Variants in HDAC9 observed in about 807,000 individuals in gnomAD.
The protein encoded by HDAC9 is histone deacetylase 9, also known as MEF-2 interacting transcription repressor (MITR) protein.
HDAC9 carries 41 observed loss-of-function variants against 139.4 expected under a neutral mutation model. That is an observed-to-expected ratio of 0.29 (90% CI 0.23 to 0.38). HDAC9 has a LOEUF of 0.38. Ranked by LOEUF, HDAC9 falls within the 10% of genes least tolerant of loss-of-function variation. The probability of loss-of-function intolerance (pLI) is 1.00; values close to 1 mark genes in which losing one functional copy is unlikely to be tolerated. For synonymous variants in HDAC9, 517 were observed against 476.2 expected, an observed-to-expected ratio of 1.09 and a Z score of -1.12; for missense variants, 1,147 against 1,297.0, an observed-to-expected ratio of 0.88 and a Z score of 1.78.
At chr7:18,933,403 A>T (rs1251282601) in intron 22 of HDAC9, among the ~76,000 whole-genome samples, 1 of 152,064 alleles carries the variant, frequency 6.6e-6, no homozygotes, top group African/African-American at 2.4e-5. Context: ...GCAACAAGAG[A>T]GCTAGAGGAC....
intron 1 of HDAC9, among the ~76,000 whole-genome samples, chr7:18,111,066 C>T (rs1023933623): frequency 1.3e-5 from 2 of 152,158 alleles, no homozygotes; most frequent in Admixed American, 6.5e-5. Context: ...AGTAAGTACT[C>T]TGTGCCAAAC....
At chr7:18,448,649 G>T (rs762750413) in intron 1 of HDAC9, among the ~76,000 whole-genome samples, 39 of 151,798 alleles carry the variant, frequency 2.6e-4, no homozygotes, top group Non-Finnish European at 4.4e-4. Context: ...TTCCTTTTTG[G>T]TCAATTTCCT....
chr7:18,931,346 G>T (rs573920110), intron 22 of HDAC9, among the ~76,000 whole-genome samples: 1 of 152,180 alleles, frequency 6.6e-6, no homozygotes, highest in South Asian at 2.1e-4. Context: ...TAAGTGGCCT[G>T]GGTAAAAGAT....
intron 1 of HDAC9, among the ~76,000 whole-genome samples, chr7:18,488,123 T>G (rs1487825179): frequency 6.6e-6 from 1 of 152,052 alleles, no homozygotes; most frequent in Non-Finnish European, 1.5e-5. Flanking sequence ...TTTTTTTATT[T>G]TCATAGTCCT....
At chr7:18,723,564 T>G (rs1288042573) in intron 12 of HDAC9, among the ~76,000 whole-genome samples, 2 of 152,318 alleles carry the variant, frequency 1.3e-5, no homozygotes, top group African/African-American at 4.8e-5. Flanking sequence ...CCATATTCCT[T>G]CTGGTAGACA....
chr7:18,160,211 G>C (rs1787529738), intron 1 of HDAC9, among the ~76,000 whole-genome samples: 1 of 152,194 alleles, frequency 6.6e-6, no homozygotes, highest in African/African-American at 2.4e-5. Flanking sequence ...TTACCTTTCA[G>C]AGCTGCTTCA....
intron 23 of HDAC9, among the ~76,000 whole-genome samples, chr7:18,949,946 C>G (rs112807973): frequency 1.5e-3 from 224 of 151,952 alleles, no homozygotes; most frequent in African/African-American, 4.7e-3. Flanking sequence ...AAGCATTAAA[C>G]AAACCAAATA....
intron 1 of HDAC9, among the ~76,000 whole-genome samples, chr7:18,148,389 T>A (rs1786505891): frequency 6.6e-6 from 1 of 152,188 alleles, no homozygotes. Flanking sequence ...CACTGCTGCA[T>A]CGACTATTAT....
At chr7:18,794,489 C>CG in intron 17 of HDAC9, among the ~76,000 whole-genome samples, 1 of 152,228 alleles carries the variant, frequency 6.6e-6, no homozygotes, top group East Asian at 1.9e-4. Flanking sequence ...TCAGAGCCTA[C>CG]GGAAATATAA....
chr7:18,169,918 A>G (rs1788293894), intron 2 of HDAC9, among the ~76,000 whole-genome samples: 1 of 152,208 alleles, frequency 6.6e-6, no homozygotes, highest in Non-Finnish European at 1.5e-5. Flanking sequence ...CGCAATAAAC[A>G]TACATGTGCA....
chr7:18,919,145 C>T (rs1803465958), intron 22 of HDAC9, among the ~76,000 whole-genome samples: 1 of 152,008 alleles, frequency 6.6e-6, no homozygotes, highest in Non-Finnish European at 1.5e-5. Flanking sequence ...TTATAATTGT[C>T]AGAAACACAA....
intron 13 of HDAC9, among the ~76,000 whole-genome samples, chr7:18,733,622 G>A (rs1786603621): frequency 6.6e-6 from 1 of 151,156 alleles, no homozygotes; most frequent in Admixed American, 6.6e-5. Flanking sequence ...CATTAATGTA[G>A]AAAATATATT....
At chr7:18,539,563 T>A (rs545779923) in intron 2 of HDAC9, among the ~76,000 whole-genome samples, 1 of 152,264 alleles carries the variant, frequency 6.6e-6, no homozygotes, top group East Asian at 1.9e-4. Flanking sequence ...AAATGTCTTA[T>A]GGTTATCTAA....
At chr7:18,713,487 C>T (rs1468636351) in intron 12 of HDAC9, among the ~76,000 whole-genome samples, 2 of 152,122 alleles carry the variant, frequency 1.3e-5, no homozygotes, top group Admixed American at 6.5e-5. Context: ...ATACACAGAT[C>T]AAACATCATG....
intron 2 of HDAC9, among the ~76,000 whole-genome samples, chr7:18,516,283 A>T (rs1347329465): frequency 2.0e-5 from 3 of 152,194 alleles, no homozygotes; most frequent in Admixed American, 6.5e-5. Context: ...GACCTTTAAG[A>T]AGGATTTCCT....
intron 6 of HDAC9, among the ~76,000 whole-genome samples, chr7:18,613,371 A>T (rs1018687224): frequency 6.6e-6 from 1 of 152,010 alleles, no homozygotes; most frequent in Admixed American, 6.6e-5. Flanking sequence ...ACTCACACTT[A>T]ACACTGGGCT....
chr7:18,483,345 T>C (rs1372603209), intron 1 of HDAC9, among the ~76,000 whole-genome samples: 2 of 152,224 alleles, frequency 1.3e-5, no homozygotes, highest in African/African-American at 4.8e-5. Flanking sequence ...TACAGTGATT[T>C]TGAAGAACCT....
intron 7 of HDAC9, among the ~76,000 whole-genome samples, chr7:18,632,801 C>T (rs1584387743): frequency 6.6e-6 from 1 of 151,812 alleles, no homozygotes; most frequent in Non-Finnish European, 1.5e-5. Flanking sequence ...ATAACAAGGC[C>T]TTAAACTGAA....
At chr7:18,754,934 CG>C (rs1336689048) in intron 14 of HDAC9, among the ~76,000 whole-genome samples, 3 of 152,048 alleles carry the variant, frequency 2.0e-5, no homozygotes, top group African/African-American at 7.2e-5. Context: ...GACTGCAAAG[CG>C]CTGAAAACTG....
Sources: gnomAD v4.1 joint callset for allele counts (sites outside exome capture counted in the v4.1 genomes callset) on GRCh38, gnomAD v4.1.1 for gene constraint, MANE v1.5 for transcripts, NCBI Gene and HGNC (gene_info 2026-07-23, HGNC 2026-07-21) for gene names.